The following IMMP2L variants were observed in gnomAD, a reference collection of about 807,000 sequenced individuals.
IMMP2L encodes the protein mitochondrial inner membrane protease subunit 2.
A neutral mutation model predicts 19.3 loss-of-function variants in IMMP2L; 18 were observed. The observed-to-expected ratio is 0.93, with a 90% CI of 0.64 to 1.38. The LOEUF is 1.38. Among genes scored for constraint, IMMP2L ranks in the 40% most tolerant of loss-of-function variants. The pLI, the probability that IMMP2L is intolerant of heterozygous loss-of-function variation, is 0.00. For synonymous variants in IMMP2L, 76 were observed against 73.0 expected, an observed-to-expected ratio of 1.04 and a Z score of -0.21; for missense variants, 233 against 218.2, an observed-to-expected ratio of 1.07 and a Z score of -0.43.
chr7:111,203,635 G>A (rs1292732687), intron 3 of IMMP2L, among the ~76,000 whole-genome samples: 1 of 139,654 alleles, frequency 7.2e-6, no homozygotes, highest in Non-Finnish European at 1.5e-5. Context: ...GATTCATGAT[G>A]CTACTTGTTC....
chr7:111,007,266 C>G lies in IMMP2L; in HGVS notation c.240-43701G>C, dbSNP rs529449422. Among the ~76,000 whole-genome samples the G allele has an allele frequency of 4.9e-4, 74 of 152,194 alleles. No homozygotes were observed. In the South Asian group the frequency reaches 5.2e-3, roughly 11 times the overall value. ...TGAGAACAGCATGGGGGAAATCACC[C>G]TCATTATCCAAACACCTTCCTTCCT... is the stretch of plus-strand genomic sequence containing the variant. On this transcript the variant is annotated intron_variant, in intron 3 of 5. Transcript: ENST00000405709.
At chr7:111,474,242 A>G (rs905991867) in intron 3 of IMMP2L, among the ~76,000 whole-genome samples, 2 of 152,252 alleles carry the variant, frequency 1.3e-5, no homozygotes. Flanking sequence ...TACCTGGATG[A>G]CGGGATCAAT....
At chr7:111,492,428 C>A in intron 2 of IMMP2L, 5 of 981,002 alleles carry the variant, frequency 5.1e-6, no homozygotes, top group Non-Finnish European at 6.1e-6. Flanking sequence ...TATCAGACTT[C>A]CCCTCTGTCA....
At chr7:110,755,591 C>A (rs1797990878) in intron 5 of IMMP2L, among the ~76,000 whole-genome samples, 1 of 152,096 alleles carries the variant, frequency 6.6e-6, no homozygotes, top group Non-Finnish European at 1.5e-5. Flanking sequence ...TAAAAAATGT[C>A]TCTTCTCTGA....
At chr7:111,055,184 G>A (rs1793394144) in intron 3 of IMMP2L, among the ~76,000 whole-genome samples, 1 of 152,018 alleles carries the variant, frequency 6.6e-6, no homozygotes, top group African/African-American at 2.4e-5. Context: ...CGAGTAGCTG[G>A]AACTACAGGT....
chr7:110,714,372 C>T (rs1257363899), intron 5 of IMMP2L, among the ~76,000 whole-genome samples: 1 of 152,118 alleles, frequency 6.6e-6, no homozygotes, highest in Non-Finnish European at 1.5e-5. Flanking sequence ...TAAGCATAGG[C>T]AATGAGTTTC....
chr7:110,921,996 T>C (rs993532290), intron 4 of IMMP2L, among the ~76,000 whole-genome samples: 8 of 152,230 alleles, frequency 5.3e-5, no homozygotes, highest in Non-Finnish European at 1.2e-4. Flanking sequence ...CTGGAACTTG[T>C]ATGCTTATTA....
chr7:110,749,091 G>A (rs1490336904), intron 5 of IMMP2L, among the ~76,000 whole-genome samples: 1 of 152,160 alleles, frequency 6.6e-6, no homozygotes, highest in Non-Finnish European at 1.5e-5. Flanking sequence ...CAAAGGATAT[G>A]AACAGACACT....
intron 5 of IMMP2L, among the ~76,000 whole-genome samples, chr7:110,743,219 T>C (rs988267513): frequency 1.3e-5 from 2 of 152,158 alleles, no homozygotes; most frequent in African/African-American, 2.4e-5. Flanking sequence ...TCTCTAGGTC[T>C]GAGAAAAGGT....
chr7:111,168,898 C>T (rs926763545), intron 3 of IMMP2L, among the ~76,000 whole-genome samples: 5 of 151,764 alleles, frequency 3.3e-5, no homozygotes, highest in Admixed American at 1.3e-4. Flanking sequence ...AAACCGGGTG[C>T]CTTAAACAAC....
At chr7:111,007,317 A>G (rs1279948685) in intron 3 of IMMP2L, among the ~76,000 whole-genome samples, 1 of 152,088 alleles carries the variant, frequency 6.6e-6, no homozygotes, top group Non-Finnish European at 1.5e-5. Flanking sequence ...ACAATTCAAG[A>G]TGAAATTTGG....
intron 5 of IMMP2L, among the ~76,000 whole-genome samples, chr7:110,792,256 A>G (rs1340033627): frequency 6.6e-6 from 1 of 151,554 alleles, no homozygotes; most frequent in Non-Finnish European, 1.5e-5. Context: ...ATGAAAAGGG[A>G]TTATACATAC....
At chr7:111,542,851 T>C (rs1200551037) in intron 1 of IMMP2L, among the ~76,000 whole-genome samples, 3 of 152,160 alleles carry the variant, frequency 2.0e-5, no homozygotes, top group African/African-American at 7.2e-5. Context: ...CTGAAGGTCC[T>C]TATTATCTTG....
intron 5 of IMMP2L, among the ~76,000 whole-genome samples, chr7:110,740,897 G>A (rs1796948386): frequency 6.7e-6 from 1 of 148,668 alleles, no homozygotes; most frequent in Admixed American, 6.8e-5. Flanking sequence ...AGAACTTACA[G>A]TATAATAATA....
At chr7:111,473,791 T>TCCACCAAACC (rs1841478729) in intron 3 of IMMP2L, among the ~76,000 whole-genome samples, 1 of 152,096 alleles carries the variant, frequency 6.6e-6, no homozygotes, top group Non-Finnish European at 1.5e-5. Context: ...AACAGAACTA[T>TCCACCAAACC]CATTTGACCC....
At chr7:111,063,961 A>ACCCAGTT (rs1316539085) in intron 3 of IMMP2L, among the ~76,000 whole-genome samples, 1 of 152,112 alleles carries the variant, frequency 6.6e-6, no homozygotes, top group Non-Finnish European at 1.5e-5. Flanking sequence ...TTTGCTTGTT[A>ACCCAGTT]CCCAGTTCCA....
intron 4 of IMMP2L, among the ~76,000 whole-genome samples, chr7:110,927,773 T>C (rs1815014196): frequency 1.3e-5 from 2 of 152,288 alleles, no homozygotes; most frequent in South Asian, 4.1e-4. Context: ...AATAAATTTG[T>C]ATTAAGTCAT....
chr7:111,260,793 A>G (rs1817236497), intron 3 of IMMP2L, among the ~76,000 whole-genome samples: 1 of 152,140 alleles, frequency 6.6e-6, no homozygotes. Flanking sequence ...AAATTATACT[A>G]TAAATACGTG....
intron 3 of IMMP2L, among the ~76,000 whole-genome samples, chr7:111,063,862 T>C (rs1265610038): frequency 6.6e-6 from 1 of 152,222 alleles, no homozygotes; most frequent in Non-Finnish European, 1.5e-5. Flanking sequence ...ATCAGGATTT[T>C]TGTCAAAGCC....
Sources: gnomAD v4.1 joint callset for allele counts (sites outside exome capture counted in the v4.1 genomes callset) on GRCh38, gnomAD v4.1.1 for gene constraint, MANE v1.5 for transcripts, NCBI Gene and HGNC (gene_info 2026-07-23, HGNC 2026-07-21) for gene names.